The following ZNF821 variants were observed in gnomAD, a reference collection of about 807,000 sequenced individuals.
The protein encoded by ZNF821 is zinc finger protein 821.
A neutral mutation model predicts 44.3 loss-of-function variants in ZNF821; 16 were observed. The observed-to-expected ratio is 0.36, with a 90% CI of 0.24 to 0.55. ZNF821 has a LOEUF of 0.55. Ranked by LOEUF, ZNF821 falls within the 20% of genes least tolerant of loss-of-function variation. ZNF821 has a pLI of 0.86. For synonymous variants in ZNF821, 204 were observed against 197.6 expected (o/e 1.03, Z -0.27); for missense variants, 436 against 547.6 (o/e 0.80, Z 2.03).
At chr16:71,887,075 A>T (rs1427412779), upstream of ZNF821, among the ~76,000 whole-genome samples, 2 of 152,116 alleles carry the variant, frequency 1.3e-5, no homozygotes, top group African/African-American at 4.8e-5. Context: ...CATTTTATTT[A>T]TCCATTCATT....
exon 1 of ZNF821, chr16:71,894,902 G>A: frequency 6.0e-6 from 8 of 1,331,504 alleles, no homozygotes; most frequent in African/African-American, 2.9e-5. Flanking sequence ...GATAAATTAG[G>A]GAAATCGCCA....
intron 1 of ZNF821, chr16:71,891,481 C>T (rs571126784): frequency 1.3e-5 from 2 of 152,166 alleles, no homozygotes; most frequent in African/African-American, 4.8e-5. Flanking sequence ...ATTACAGGAT[C>T]TAAATAGACA....
At chr16:71,889,936 A>G (rs1276007335) in intron 1 of ZNF821, among the ~76,000 whole-genome samples, 1 of 152,180 alleles carries the variant, frequency 6.6e-6, no homozygotes, top group Non-Finnish European at 1.5e-5. Context: ...AGCCTGCACA[A>G]CAGAGCGAGA....
intron 2 of ZNF821, chr16:71,882,277 A>C (rs2036506467): frequency 6.6e-6 from 1 of 151,548 alleles, no homozygotes; most frequent in East Asian, 1.9e-4. Flanking sequence ...TCAAAAAAAA[A>C]AAAAAAAGAT....
chr16:71,877,628 TA>T (rs1184852315), intron 3 of ZNF821, among the ~76,000 whole-genome samples: 1 of 151,994 alleles, frequency 6.6e-6, no homozygotes, highest in African/African-American at 2.4e-5. Context: ...CTCTCCAATG[TA>T]GGGTTTTAGC....
intron 3 of ZNF821, among the ~76,000 whole-genome samples, chr16:71,873,627 G>A (rs1326272618): frequency 6.6e-6 from 1 of 152,154 alleles, no homozygotes; most frequent in Non-Finnish European, 1.5e-5. Context: ...ATGTTGCTGG[G>A]TTACAGCAGT....
chr16:71,878,110 T>G (rs575067248), intron 3 of ZNF821, among the ~76,000 whole-genome samples: 35 of 116,198 alleles, frequency 3.0e-4, no homozygotes, highest in African/African-American at 1.0e-3. Context: ...GGGAACTATT[T>G]GTCTTTTTTT....
At chr16:71,893,940 CTTTT>C (rs780866246) in intron 1 of ZNF821, 1 of 150,600 alleles carries the variant, frequency 6.6e-6, no homozygotes, top group African/African-American at 2.4e-5. Context: ...CTAATTTTTT[CTTTT>C]TTTTGTATTT....
intron 1 of ZNF821, chr16:71,894,716 T>TTTTAG: frequency 1.8e-6 from 1 of 557,206 alleles, no homozygotes; most frequent in Non-Finnish European, 3.1e-6. Flanking sequence ...TTTTTTTTTT[T>TTTTAG]GTAGCGATGC....
At chr16:71,885,917 A>C (rs2036836737), upstream of ZNF821, among the ~76,000 whole-genome samples, 1 of 152,226 alleles carries the variant, frequency 6.6e-6, no homozygotes, top group Non-Finnish European at 1.5e-5. Context: ...TACAACCTAG[A>C]ATACACACTG....
chr16:71,891,655 C>A (rs1412984242), intron 1 of ZNF821, among the ~76,000 whole-genome samples: 1 of 152,192 alleles, frequency 6.6e-6, no homozygotes, highest in Non-Finnish European at 1.5e-5. Flanking sequence ...CGGCAGATCA[C>A]TTGAGGTCAG....
At chr16:71,888,370 C>A (rs1052800523), upstream of ZNF821, among the ~76,000 whole-genome samples, 2 of 152,072 alleles carry the variant, frequency 1.3e-5, no homozygotes, top group East Asian at 3.9e-4. Context: ...TGAAAATTTA[C>A]ACCTATGTTT....
At chr16:71,877,895 G>T (rs1350348674) in intron 3 of ZNF821, among the ~76,000 whole-genome samples, 1 of 149,052 alleles carries the variant, frequency 6.7e-6, no homozygotes, top group Non-Finnish European at 1.5e-5. Context: ...ACTCCAGCCT[G>T]GGCAACAGAG....
intron 3 of ZNF821, among the ~76,000 whole-genome samples, chr16:71,871,571 G>C (rs967584055): frequency 1.3e-5 from 2 of 152,302 alleles, no homozygotes; most frequent in South Asian, 2.1e-4. Context: ...TAGTGATTAA[G>C]AAGTGTTACA....
chr16:71,863,918 G>A (rs1469129485), intron 6 of ZNF821, among the ~76,000 whole-genome samples: 15 of 152,098 alleles, frequency 9.9e-5, no homozygotes, highest in African/African-American at 3.1e-4. Context: ...GGATGGTCTC[G>A]AACTCCTGAC....
At chr16:71,892,801 G>A (rs2036896569) in intron 1 of ZNF821, among the ~76,000 whole-genome samples, 2 of 147,914 alleles carry the variant, frequency 1.4e-5, no homozygotes. Context: ...GCATGATCTC[G>A]GGTCACTGCA....
intron 6 of ZNF821, among the ~76,000 whole-genome samples, chr16:71,862,491 A>G (rs2034014417): frequency 6.6e-6 from 1 of 152,116 alleles, no homozygotes; most frequent in Non-Finnish European, 1.5e-5. Context: ...AAAACAAAAC[A>G]AAACAACAAC....
At chr16:71,873,380 C>T (rs2035437913) in intron 3 of ZNF821, among the ~76,000 whole-genome samples, 1 of 151,540 alleles carries the variant, frequency 6.6e-6, no homozygotes, top group Non-Finnish European at 1.5e-5. Flanking sequence ...GGGAGAAGGT[C>T]TAACACAGAT....
chr16:71,863,729 A>G (rs1262115107), intron 6 of ZNF821, among the ~76,000 whole-genome samples: 2 of 151,072 alleles, frequency 1.3e-5, no homozygotes, highest in Admixed American at 1.3e-4. Flanking sequence ...ACAGAGTCTA[A>G]CTCTGTCACC....
Sources: allele counts gnomAD v4.1 joint callset (sites outside exome capture counted in the v4.1 genomes callset), GRCh38; gene constraint gnomAD v4.1.1; transcripts MANE v1.5; gene names NCBI Gene and HGNC (gene_info 2026-07-23, HGNC 2026-07-21).